The following LDLRAD4 variants were observed in gnomAD, a reference collection of about 807,000 sequenced individuals.
LDLRAD4 encodes the protein low density lipoprotein receptor class A domain containing 4.
Under a neutral mutation model 17.0 loss-of-function variants are expected in LDLRAD4, and 5 were observed. The observed-to-expected ratio is 0.29, with a 90% confidence interval of 0.15 to 0.62. LDLRAD4 has a LOEUF of 0.62. LDLRAD4 is among the 20% of genes least tolerant of loss of function. The probability of loss-of-function intolerance (pLI) is 0.84; values close to 1 mark genes in which losing one functional copy is unlikely to be tolerated. For synonymous variants in LDLRAD4, 168 were observed against 171.8 expected (o/e 0.98, Z 0.17); for missense variants, 340 against 424.7 (o/e 0.80, Z 1.75).
At chr18:13,450,326 A>ACCCG (rs2091732523) in intron 3 of LDLRAD4, among the ~76,000 whole-genome samples, 1 of 68,054 alleles carries the variant, frequency 1.5e-5, no homozygotes, top group Non-Finnish European at 2.8e-5. Context: ...CTCTCCCCCC[A>ACCCG]CCCCCCCCCC....
rs2090931048 is a variant in LDLRAD4 at position 13,440,147 on chromosome 18, A to G, written c.181+1763A>G. Among the ~76,000 whole-genome samples the G allele has an allele frequency of 6.6e-6, 1 of 152,100 alleles. No homozygotes were observed. The highest frequency in any genetic ancestry group is 1.5e-5 in the Non-Finnish European group (1 of 68,002). ...TGTGTGCTGCCTTGACTGGGTTCAG[A>G]GTTCTGGAGCCCCGGCCTCTGCTCT... On this transcript the variant is annotated intron_variant, in intron 3 of 5. Coordinates refer to ENST00000359446, the Ensembl canonical transcript of LDLRAD4. The surrounding 1 kb of genome is among the most constrained non-coding windows in gnomAD (Gnocchi z 4.4).
intron 3 of LDLRAD4, among the ~76,000 whole-genome samples, chr18:13,516,282 C>T (rs955415797): frequency 6.6e-6 from 1 of 152,204 alleles, no homozygotes; most frequent in Non-Finnish European, 1.5e-5. Flanking sequence ...TAACAAACTT[C>T]GAATGAGGTT....
At chr18:13,529,393 A>AC (rs2094091717) in intron 3 of LDLRAD4, among the ~76,000 whole-genome samples, 1 of 152,246 alleles carries the variant, frequency 6.6e-6, no homozygotes, top group Non-Finnish European at 1.5e-5. Flanking sequence ...TACCTGGAAC[A>AC]CTGATGCCTG....
chr18:13,477,247 T>G (rs2092963758), intron 3 of LDLRAD4, among the ~76,000 whole-genome samples: 1 of 152,184 alleles, frequency 6.6e-6, no homozygotes, highest in Non-Finnish European at 1.5e-5. Flanking sequence ...TAAAAAAAGC[T>G]GGGGCCCCGA....
Position 13,620,935 on chromosome 18 carries a change from G to A in LDLRAD4, c.182-182G>A, listed in dbSNP as rs376963282. On this transcript the variant is annotated intron_variant, in intron 3 of 5. Coordinates refer to ENST00000359446, the Ensembl canonical transcript of LDLRAD4. ...CCGCAGCTGGTTTGCACAGCCTCCC[G>A]ACTGTGCCGTGGTGTCTCCTTCCCT... The A allele has an allele frequency of 8.0e-5, 67 of 835,606 alleles. No homozygotes were observed. In the African/African-American group the frequency reaches 9.6e-4, roughly 12 times the overall value. The allele number at this position is 835,606 out of a possible 1,614,324, so 51.8% of individuals were successfully genotyped here. A position where few individuals can be genotyped will look rare whatever the true frequency, so the allele number is the denominator to read the frequency against.
At chr18:13,544,308 T>A (rs1182564232) in intron 3 of LDLRAD4, among the ~76,000 whole-genome samples, 2 of 152,216 alleles carry the variant, frequency 1.3e-5, no homozygotes, top group Non-Finnish European at 2.9e-5. Context: ...AACTGTTGAT[T>A]ATGTTAATAG....
In LDLRAD4 at chr18:13,303,348, C is replaced by T. The variant is rs536217992; in HGVS notation, c.-383+25160C>T. On this transcript the variant is annotated intron_variant, in intron 1 of 5. Coordinates refer to ENST00000359446, the Ensembl canonical transcript of LDLRAD4. Reference sequence around the variant, plus strand: ...TGCAGCCTCAGCTCCTGGGTTCCAGCAATCTTTCCTCCTCAGCCTCCTGAG... The same window carrying T: ...TGCAGCCTCAGCTCCTGGGTTCCAGTAATCTTTCCTCCTCAGCCTCCTGAG... Among the ~76,000 whole-genome samples the T allele has an allele frequency of 6.6e-5, 10 of 152,294 alleles. 1 individual carries two copies. The South Asian group carries it at 2.1e-3, about 32-fold the overall frequency.
At chr18:13,650,106 G>C (rs1411920585) in exon 6 of LDLRAD4, 4 of 398,562 alleles carry the variant, frequency 1.0e-5, no homozygotes, top group Non-Finnish European at 1.8e-5. Context: ...ACAGAGATGT[G>C]AACAGACAAT....
intron 1 of LDLRAD4, among the ~76,000 whole-genome samples, chr18:13,379,286 A>G (rs2085159271): frequency 6.6e-6 from 1 of 152,200 alleles, no homozygotes; most frequent in Non-Finnish European, 1.5e-5. Context: ...CCCAGCCACG[A>G]TGTCCCCCAT....
At chr18:13,251,675 C>T (rs1442725037) in intron 1 of LDLRAD4, among the ~76,000 whole-genome samples, 1 of 152,136 alleles carries the variant, frequency 6.6e-6, no homozygotes, top group East Asian at 1.9e-4. Flanking sequence ...AGGCCAAAGA[C>T]CTCTACAAGG....
chr18:13,470,369 G>GTA (rs1370026791), intron 3 of LDLRAD4, among the ~76,000 whole-genome samples: 1 of 151,938 alleles, frequency 6.6e-6, no homozygotes, highest in Non-Finnish European at 1.5e-5. Flanking sequence ...TTGGAAGTGT[G>GTA]TATAAGGATG....
chr18:13,348,525 C>A (rs935522923), intron 1 of LDLRAD4, among the ~76,000 whole-genome samples: 1 of 152,170 alleles, frequency 6.6e-6, no homozygotes, highest in Non-Finnish European at 1.5e-5. Flanking sequence ...GGTCAGGGAT[C>A]CACTTGAGGA....
exon 2 of LDLRAD4, chr18:13,387,577 C>G (rs920956972): frequency 1.5e-5 from 11 of 721,136 alleles, no homozygotes; most frequent in Non-Finnish European, 2.7e-5. Flanking sequence ...GAGAGCCGGG[C>G]AGGTGGGCCG....
chr18:13,389,975 C>T (rs1470616075), intron 2 of LDLRAD4, among the ~76,000 whole-genome samples: 2 of 151,548 alleles, frequency 1.3e-5, no homozygotes, highest in African/African-American at 4.9e-5. Flanking sequence ...AGCTCCTCCC[C>T]AGCTCACGTT....
At chr18:13,420,935 C>T (rs2089386993) in intron 2 of LDLRAD4, 1 of 152,256 alleles carries the variant, frequency 6.6e-6, no homozygotes. Flanking sequence ...CTTAGTTCAG[C>T]AAGGTGCCCT....
chr18:13,498,824 C>T (rs1227109904), intron 3 of LDLRAD4, among the ~76,000 whole-genome samples: 1 of 143,060 alleles, frequency 7.0e-6, no homozygotes, highest in Non-Finnish European at 1.5e-5. Context: ...CTGGAGAATC[C>T]TCCCCACACA....
At position 13,372,342 on chromosome 18, in the gene LDLRAD4, C is replaced by T. The variant is rs72874831; in HGVS notation, c.-382-14999C>T. On this transcript the variant is annotated intron_variant, in intron 1 of 5. Transcript: ENST00000359446. ...TTTTTCCTGGTTAGCCTTACTTTTA[C>T]CTACCTTTTGAGAGGAAGAGAGGAT... is the stretch of plus-strand genomic sequence containing the variant. Among the ~76,000 whole-genome samples the T allele has an allele frequency of 4.5e-3, 687 of 152,318 alleles. 2 individuals carry two copies. The highest frequency in any genetic ancestry group is 7.4e-3 in the Non-Finnish European group (502 of 68,026).
intron 1 of LDLRAD4, among the ~76,000 whole-genome samples, chr18:13,365,467 G>A (rs1467256045): frequency 6.6e-6 from 1 of 152,162 alleles, no homozygotes; most frequent in South Asian, 2.1e-4. Context: ...GGTGAAATCC[G>A]TTATAAAGAA....
chr18:13,648,410 T>A (rs2043099142), exon 6 of LDLRAD4: 1 of 152,260 alleles, frequency 6.6e-6, no homozygotes, highest in African/African-American at 2.4e-5. Context: ...TCTTCGAGGC[T>A]GGGGCTCTGT....
Sources: gnomAD v4.1 joint callset for allele counts (sites outside exome capture counted in the v4.1 genomes callset) on GRCh38, gnomAD v4.1.1 for gene constraint, Gnocchi (gnomAD v3.1) non-coding constraint, MANE v1.5 for transcripts, NCBI Gene and HGNC (gene_info 2026-07-23, HGNC 2026-07-21) for gene names.